The following CRK variants were observed in gnomAD, a reference collection of about 807,000 sequenced individuals.
CRK encodes the protein CRK proto-oncogene, adaptor protein, also known as adapter molecule crk.
A neutral mutation model predicts 29.8 loss-of-function variants in CRK; 4 were observed. That is an observed-to-expected ratio of 0.13 (90% confidence interval 0.07 to 0.31). CRK has a LOEUF of 0.31. Among genes scored for constraint, CRK ranks in the 10% least tolerant of loss-of-function variants. The pLI, the probability that CRK is intolerant of heterozygous loss-of-function variation, is 1.00. For synonymous variants in CRK, 153 were observed against 164.9 expected, an observed-to-expected ratio of 0.93 and a Z score of 0.55; for missense variants, 274 against 396.5, an observed-to-expected ratio of 0.69 and a Z score of 2.62.
chr17:1,451,872 C>A (rs2150914774), intron 1 of CRK, among the ~76,000 whole-genome samples: 1 of 152,204 alleles, frequency 6.6e-6, no homozygotes, highest in South Asian at 2.1e-4. Context: ...GTAATCCCAG[C>A]TACTCGGGAG....
chr17:1,427,224 G>C (rs1217658498), intron 2 of CRK, among the ~76,000 whole-genome samples: 1 of 149,578 alleles, frequency 6.7e-6, no homozygotes, highest in Non-Finnish European at 1.5e-5. Flanking sequence ...CTGGGAGTTT[G>C]AGCTGTAGCA....
chr17:1,449,277 C>A (rs543646824), intron 1 of CRK, among the ~76,000 whole-genome samples: 1 of 152,276 alleles, frequency 6.6e-6, no homozygotes, highest in Non-Finnish European at 1.5e-5. Context: ...CACCCAGGCA[C>A]CTACTCCCCA....
At chr17:1,424,007 C>T (rs927145503) in intron 2 of CRK, among the ~76,000 whole-genome samples, 3 of 151,952 alleles carry the variant, frequency 2.0e-5, no homozygotes, top group Non-Finnish European at 2.9e-5. Context: ...TCTTTGTACT[C>T]ACTACCCTCA....
intron 1 of CRK, among the ~76,000 whole-genome samples, chr17:1,444,884 C>T (rs1234014772): frequency 1.3e-5 from 2 of 150,880 alleles, no homozygotes; most frequent in Non-Finnish European, 2.9e-5. Flanking sequence ...CACGATGGCT[C>T]ATGCCTGTAA....
intron 2 of CRK, among the ~76,000 whole-genome samples, chr17:1,425,121 G>A (rs1378349960): frequency 4.0e-5 from 6 of 151,414 alleles, no homozygotes; most frequent in East Asian, 3.9e-4. Flanking sequence ...ACAGAGTCTC[G>A]ATCTGTTGCC....
At chr17:1,445,188 A>T (rs904701690) in intron 1 of CRK, among the ~76,000 whole-genome samples, 3 of 152,156 alleles carry the variant, frequency 2.0e-5, no homozygotes, top group Non-Finnish European at 2.9e-5. Context: ...AGAGGTAATA[A>T]GACACAATGT....
rs186275076 is a variant in CRK at position 1,421,694 on chromosome 17, G to A, written c.*1819C>T. 2 of 152,224 alleles carry A rather than the reference G, an allele frequency of 1.3e-5. No individual in the cohort carries two copies. Among genetic ancestry groups the A allele is most frequent in the Admixed American group, 6.6e-5 (1 of 15,264 alleles). The allele number at this position is 152,224 out of a possible 1,614,324, so 9.4% of individuals were successfully genotyped here. A position where few individuals can be genotyped will look rare whatever the true frequency, so the allele number is the denominator to read the frequency against. On this transcript the variant is annotated 3_prime_UTR_variant, in exon 3 of 3. Transcript: ENST00000300574. ...TCTCCTCATTCACTCAGACAAATAC[G>A]TGCACACTGACTGTGTGTCAGACAG...
chr17:1,439,775 C>G (rs1282390348), intron 1 of CRK, among the ~76,000 whole-genome samples: 3 of 152,028 alleles, frequency 2.0e-5, no homozygotes, highest in Non-Finnish European at 4.4e-5. Context: ...CCTGGAAGGT[C>G]AAGGCTACAG....
At chr17:1,447,220 A>G (rs1386643960) in intron 1 of CRK, among the ~76,000 whole-genome samples, 1 of 152,184 alleles carries the variant, frequency 6.6e-6, no homozygotes, top group Non-Finnish European at 1.5e-5. Flanking sequence ...CGGGAAAGGA[A>G]GGAGGCACAG....
At chr17:1,435,265 C>T (rs948703269) in intron 2 of CRK, among the ~76,000 whole-genome samples, 1 of 151,894 alleles carries the variant, frequency 6.6e-6, no homozygotes, top group South Asian at 2.1e-4. Flanking sequence ...TTGCCTAGGC[C>T]GGTCTCCAAC....
At chr17:1,451,057 T>C (rs1462160096) in intron 1 of CRK, among the ~76,000 whole-genome samples, 2 of 150,386 alleles carry the variant, frequency 1.3e-5, no homozygotes, top group African/African-American at 2.4e-5. Context: ...CCGGGCGTGG[T>C]GGCGGGCGCC....
intron 1 of CRK, among the ~76,000 whole-genome samples, chr17:1,439,423 C>T (rs1191377070): frequency 6.6e-6 from 1 of 152,036 alleles, no homozygotes; most frequent in Non-Finnish European, 1.5e-5. Flanking sequence ...ATTAGGAATG[C>T]AAACCTTTAA....
At chr17:1,440,797 G>A (rs146408406) in intron 1 of CRK, among the ~76,000 whole-genome samples, 5 of 152,286 alleles carry the variant, frequency 3.3e-5, no homozygotes, top group East Asian at 1.9e-4. Context: ...CCAGCTTCTC[G>A]AGAAGCTGAG....
At chr17:1,444,599 G>GC (rs1030928631) in intron 1 of CRK, among the ~76,000 whole-genome samples, 5 of 149,824 alleles carry the variant, frequency 3.3e-5, no homozygotes, top group African/African-American at 1.2e-4. Flanking sequence ...CCGAAGCGGG[G>GC]GGGGGGATCA....
chr17:1,455,746 G>A (rs2074051269), intron 1 of CRK, 131 bp downstream of exon 1: 3 of 1,270,890 alleles, frequency 2.4e-6, no homozygotes, highest in South Asian at 1.9e-5. Flanking sequence ...AGCAGCCGGC[G>A]GGCCCCTGCC....
chr17:1,430,569 A>T (rs370550781), intron 2 of CRK, among the ~76,000 whole-genome samples: 2 of 136,888 alleles, frequency 1.5e-5, no homozygotes, highest in African/African-American at 2.8e-5. Flanking sequence ...ATTTCACAGT[A>T]TTAGCCAGGA....
intron 1 of CRK, among the ~76,000 whole-genome samples, chr17:1,446,678 G>A (rs977873097): frequency 1.0e-4 from 15 of 143,416 alleles, no homozygotes; most frequent in Non-Finnish European, 2.2e-4. Flanking sequence ...TGCAAGCTCC[G>A]CTTCCTGGGT....
intron 1 of CRK, among the ~76,000 whole-genome samples, chr17:1,442,277 C>T (rs2073941163): frequency 1.3e-5 from 2 of 151,896 alleles, no homozygotes; most frequent in African/African-American, 2.4e-5. Context: ...ACCTCAGCCT[C>T]CTGAGCAACT....
At chr17:1,431,092 A>AAAC (rs969012858) in intron 2 of CRK, among the ~76,000 whole-genome samples, 13 of 151,698 alleles carry the variant, frequency 8.6e-5, no homozygotes, top group African/African-American at 1.2e-4. Flanking sequence ...ACAAACAAAC[A>AAAC]AATTAACCCT....
Sources: allele counts gnomAD v4.1 joint callset (sites outside exome capture counted in the v4.1 genomes callset), GRCh38; gene constraint gnomAD v4.1.1; transcripts MANE v1.5; gene names NCBI Gene and HGNC (gene_info 2026-07-23, HGNC 2026-07-21).